Variants in ACTR3C observed in about 807,000 individuals in gnomAD.
The protein encoded by ACTR3C is actin-related protein 3C.
A neutral mutation model predicts 26.3 loss-of-function variants in ACTR3C; 18 were observed. The observed-to-expected ratio is 0.68, with a 90% CI of 0.47 to 1.01. The LOEUF (loss-of-function observed/expected upper bound fraction) is 1.01. Ranked by LOEUF, ACTR3C falls within the 50% of genes least tolerant of loss-of-function variation. The pLI, the probability that ACTR3C is intolerant of heterozygous loss-of-function variation, is 0.00. For missense variants in ACTR3C, 184 were observed against 250.7 expected (o/e 0.73, Z 1.80); for synonymous variants, 55 against 94.5 (o/e 0.58, Z 2.42).
chr7:150,039,004 G>GA, the ACTR3C span, among the ~76,000 whole-genome samples: 60 of 50,768 alleles, frequency 1.2e-3, 14 homozygotes, highest in African/African-American at 3.1e-3. Flanking sequence ...AGAGCCGGGG[G>GA]GCGGGGAAGA....
chr7:150,177,514 AG>A, the ACTR3C span, among the ~76,000 whole-genome samples: 5 of 151,088 alleles, frequency 3.3e-5, no homozygotes, highest in Non-Finnish European at 7.4e-5. Flanking sequence ...CAGTGGTAAA[AG>A]TCCCAGTTCC....
the ACTR3C span, among the ~76,000 whole-genome samples, chr7:150,063,894 T>G: frequency 6.6e-6 from 1 of 152,100 alleles, no homozygotes; most frequent in Admixed American, 6.6e-5. Flanking sequence ...CCCCTCCCTC[T>G]TCCTATACGC....
At chr7:149,983,480 T>C in the ACTR3C span, among the ~76,000 whole-genome samples, 1 of 136,766 alleles carries the variant, frequency 7.3e-6, no homozygotes, top group Non-Finnish European at 1.6e-5. Context: ...AAAACAAATG[T>C]TGACAAGGAT....
At position 150,290,560 on chromosome 7, in the gene ACTR3C, C is replaced by G. The variant is rs557178532; in HGVS notation, c.154-967G>C. 1.3e-3 allele frequency among the ~76,000 whole-genome samples: 205 copies of G among 152,210 alleles called. 1 individual carries two copies. Among genetic ancestry groups the G allele is most frequent in the African/African-American group, 4.6e-3 (192 of 41,488 alleles). ...AGTCCCCAAATGAGACAGAAGGGAACAGAAGTGAAACGCTGACTTCATTTT... is the reference window on the plus strand; with the variant it reads ...AGTCCCCAAATGAGACAGAAGGGAAGAGAAGTGAAACGCTGACTTCATTTT... On this transcript the variant is annotated intron_variant, in intron 3 of 7. Coordinates refer to ENST00000683684, the MANE Select transcript of ACTR3C (RefSeq NM_001164458.2).
At chr7:150,060,427 C>T in the ACTR3C span, among the ~76,000 whole-genome samples, 2 of 152,158 alleles carry the variant, frequency 1.3e-5, no homozygotes, top group Non-Finnish European at 2.9e-5. Flanking sequence ...CTCCTTTCTT[C>T]TTACTGCTTC....
chr7:150,002,767 A>T, the ACTR3C span: 1 of 152,288 alleles, frequency 6.6e-6, no homozygotes, highest in African/African-American at 2.4e-5. Flanking sequence ...CTTACCCCAG[A>T]GCCTCCCTTT....
chr7:149,957,361 T>A, the ACTR3C span, among the ~76,000 whole-genome samples: 1 of 152,174 alleles, frequency 6.6e-6, no homozygotes, highest in Non-Finnish European at 1.5e-5. Context: ...CCCAGATAGC[T>A]GGTAAAGCAT....
At chr7:150,010,551 G>A in the ACTR3C span, among the ~76,000 whole-genome samples, 6 of 151,956 alleles carry the variant, frequency 3.9e-5, no homozygotes, top group Non-Finnish European at 7.4e-5. Flanking sequence ...AAAATTAGCC[G>A]GGCGTGGTGA....
the ACTR3C span, among the ~76,000 whole-genome samples, chr7:150,198,481 C>G: frequency 1.5e-5 from 2 of 137,260 alleles, no homozygotes; most frequent in African/African-American, 3.0e-5. Context: ...ATGTGGGGAG[C>G]GCCTCTGCCC....
chr7:149,963,140 C>A, the ACTR3C span, among the ~76,000 whole-genome samples: 1 of 151,974 alleles, frequency 6.6e-6, no homozygotes, highest in East Asian at 1.9e-4. Flanking sequence ...CTCTGCCTCC[C>A]TGGGATGACG....
At chr7:150,089,066 T>C in the ACTR3C span, among the ~76,000 whole-genome samples, 1 of 152,226 alleles carries the variant, frequency 6.6e-6, no homozygotes, top group African/African-American at 2.4e-5. Flanking sequence ...GCAAAATTGA[T>C]CTCTCTTGTC....
the ACTR3C span, among the ~76,000 whole-genome samples, chr7:150,185,457 A>G: frequency 6.6e-6 from 1 of 152,210 alleles, no homozygotes; most frequent in South Asian, 2.1e-4. Context: ...TAACATTCAA[A>G]TATCTTTAAG....
At chr7:149,943,287 G>GA in the ACTR3C span, among the ~76,000 whole-genome samples, 1 of 149,648 alleles carries the variant, frequency 6.7e-6, no homozygotes, top group Non-Finnish European at 1.5e-5. Context: ...CTGCTCTGGG[G>GA]ATGGCTGCTG....
chr7:150,220,440 G>A, the ACTR3C span, among the ~76,000 whole-genome samples: 2 of 147,288 alleles, frequency 1.4e-5, no homozygotes, highest in South Asian at 2.1e-4. Flanking sequence ...GGGCGAGCGC[G>A]AGGGGAGCCT....
At chr7:149,917,635 C>CTTTTTTTTTTTTT in the ACTR3C span, among the ~76,000 whole-genome samples, 1 of 93,642 alleles carries the variant, frequency 1.1e-5, no homozygotes, top group African/African-American at 4.4e-5. Context: ...TGTTTTACAT[C>CTTTTTTTTTTTTT]TTTTTTTTTT....
downstream of ACTR3C, chr7:150,247,132 A>G (rs1218607577): frequency 6.6e-6 from 1 of 152,170 alleles, no homozygotes; most frequent in African/African-American, 2.4e-5. Flanking sequence ...GGTTGTCATT[A>G]AGTTTTAAAA....
the ACTR3C span, among the ~76,000 whole-genome samples, chr7:150,069,515 C>A: frequency 5.3e-5 from 8 of 152,248 alleles, no homozygotes; most frequent in South Asian, 1.7e-3. Flanking sequence ...TTAGTGGTGG[C>A]TTTCAGTGTG....
At chr7:150,292,044 T>C (rs1836309640) in intron 3 of ACTR3C, among the ~76,000 whole-genome samples, 1 of 150,284 alleles carries the variant, frequency 6.7e-6, no homozygotes, top group Non-Finnish European at 1.5e-5. Context: ...ATTAAAGGCA[T>C]TGGTATTAGT....
At chr7:150,068,640 G>A in the ACTR3C span, among the ~76,000 whole-genome samples, 352 of 150,880 alleles carry the variant, frequency 2.3e-3, 2 homozygotes, top group African/African-American at 7.3e-3. Context: ...AAAAATAGGC[G>A]GGTGTGGTGG....
Sources: gnomAD v4.1 joint callset for allele counts (sites outside exome capture counted in the v4.1 genomes callset) on GRCh38, gnomAD v4.1.1 for gene constraint, MANE v1.5 for transcripts, NCBI Gene and HGNC (gene_info 2026-07-23, HGNC 2026-07-21) for gene names.